The following RBFOX1 variants were observed in gnomAD, a reference collection of about 807,000 sequenced individuals.
RBFOX1 encodes RNA binding protein fox-1 homolog 1.
In RBFOX1, 8 loss-of-function variants were observed where a neutral mutation model predicts 57.7. The ratio of observed to expected loss-of-function variants is 0.14; its 90% confidence interval spans 0.08 to 0.25. The LOEUF is 0.25. RBFOX1 is among the 10% of genes least tolerant of loss of function. The probability of loss-of-function intolerance (pLI) is 1.00; values close to 1 mark genes in which losing one functional copy is unlikely to be tolerated. For missense variants in RBFOX1, 611 were observed against 548.5 expected, an observed-to-expected ratio of 1.11 and a Z score of -1.14; for synonymous variants, 326 against 222.4, an observed-to-expected ratio of 1.47 and a Z score of -4.15.
intron 3 of RBFOX1, among the ~76,000 whole-genome samples, chr16:7,020,338 G>C (rs2038614618): frequency 1.3e-5 from 2 of 151,966 alleles, no homozygotes. Flanking sequence ...TGATTCTCCT[G>C]CCTCAGCCTA....
At chr16:7,458,631 C>A (rs899396624) in intron 4 of RBFOX1, among the ~76,000 whole-genome samples, 12 of 152,104 alleles carry the variant, frequency 7.9e-5, no homozygotes, top group African/African-American at 2.7e-4. Flanking sequence ...GGAATATATT[C>A]CCCTTAAGGT....
At chr16:7,663,527 G>GTA (rs1040826850) in intron 12 of RBFOX1, among the ~76,000 whole-genome samples, 9 of 151,434 alleles carry the variant, frequency 5.9e-5, no homozygotes, top group Non-Finnish European at 1.0e-4. Flanking sequence ...GTGTGTGTGT[G>GTA]TGTGTTGTAA....
intron 1 of RBFOX1, among the ~76,000 whole-genome samples, chr16:6,256,161 A>G (rs1363211028): frequency 0.017 from 256 of 14,960 alleles, 40 homozygotes; most frequent in African/African-American, 0.033. Flanking sequence ...ATATATATGT[A>G]TATATATATG....
intron 3 of RBFOX1, among the ~76,000 whole-genome samples, chr16:6,862,489 A>T (rs2059190807): frequency 6.6e-6 from 1 of 152,224 alleles, no homozygotes; most frequent in Admixed American, 6.5e-5. Context: ...TAGGAAAAGG[A>T]GCAAACAGCT....
At chr16:6,270,584 A>T (rs1031208392) in intron 1 of RBFOX1, among the ~76,000 whole-genome samples, 1 of 152,200 alleles carries the variant, frequency 6.6e-6, no homozygotes, top group Admixed American at 6.5e-5. Context: ...ACAATATATG[A>T]AGAAAGAAAT....
At chr16:7,057,188 G>A (rs2052600223) in intron 4 of RBFOX1, among the ~76,000 whole-genome samples, 3 of 152,118 alleles carry the variant, frequency 2.0e-5, no homozygotes, top group Non-Finnish European at 2.9e-5. Context: ...CACAAGGAAA[G>A]ACAACATAAA....
chr16:6,312,549 A>G (rs910621434), intron 1 of RBFOX1, among the ~76,000 whole-genome samples: 3 of 152,074 alleles, frequency 2.0e-5, no homozygotes, highest in Admixed American at 6.6e-5. Context: ...TGCAGACCCA[A>G]TTTCTGGCAC....
chr16:7,155,206 T>A (rs2076845093), intron 4 of RBFOX1, among the ~76,000 whole-genome samples: 1 of 152,126 alleles, frequency 6.6e-6, no homozygotes, highest in Non-Finnish European at 1.5e-5. Flanking sequence ...AAACAAAGTT[T>A]TTAGCTTTTT....
At chr16:6,985,319 T>G (rs1254783438) in intron 3 of RBFOX1, among the ~76,000 whole-genome samples, 1 of 152,198 alleles carries the variant, frequency 6.6e-6, no homozygotes, top group Non-Finnish European at 1.5e-5. Context: ...ATATTAATTT[T>G]ATGATAGGTT....
At chr16:7,455,886 C>T (rs2058414301) in intron 4 of RBFOX1, among the ~76,000 whole-genome samples, 1 of 151,608 alleles carries the variant, frequency 6.6e-6, no homozygotes, top group Non-Finnish European at 1.5e-5. Flanking sequence ...ACTGTGATGT[C>T]TAAGATTCAT....
At chr16:5,611,793 T>TCCCCCCCCCCCCCC (rs2047818147) in intron 3 of RBFOX1, among the ~76,000 whole-genome samples, 5 of 35,168 alleles carry the variant, frequency 1.4e-4, no homozygotes, top group African/African-American at 3.0e-4. Flanking sequence ...CATCCATCCA[T>TCCCCCCCCCCCCCC]CCACCCACCC....
chr16:6,562,720 T>G (rs974584915), intron 2 of RBFOX1, among the ~76,000 whole-genome samples: 2 of 152,170 alleles, frequency 1.3e-5, no homozygotes, highest in African/African-American at 4.8e-5. Context: ...AAATGCCCTT[T>G]AAAACTCCTT....
intron 1 of RBFOX1, among the ~76,000 whole-genome samples, chr16:6,175,957 A>T (rs890165932): frequency 5.3e-5 from 8 of 152,078 alleles, no homozygotes; most frequent in African/African-American, 1.7e-4. Flanking sequence ...CCACCCCCAG[A>T]TATGTTAACT....
chr16:6,560,594 T>G (rs923281263), intron 2 of RBFOX1, among the ~76,000 whole-genome samples: 1 of 151,978 alleles, frequency 6.6e-6, no homozygotes, highest in South Asian at 2.1e-4. Context: ...GAGGAGGAGG[T>G]GCAAACCACT....
At chr16:7,024,128 G>C (rs1044038846) in intron 3 of RBFOX1, among the ~76,000 whole-genome samples, 4 of 152,112 alleles carry the variant, frequency 2.6e-5, no homozygotes, top group South Asian at 2.1e-4. Flanking sequence ...TTAATGACAT[G>C]CTTTATGTTA....
rs192468052 is a variant in RBFOX1 at position 5,388,319 on chromosome 16, C to T, written c.220-78897C>T. Among the ~76,000 whole-genome samples, 9 of 152,216 alleles carry T rather than the reference C, an allele frequency of 5.9e-5. 1 individual carries two copies. The highest frequency in any genetic ancestry group is 1.9e-4 in the African/African-American group (8 of 41,532). On this transcript the variant is annotated intron_variant, in intron 1 of 2. Transcript: ENST00000585867. ...GGGGCTTCTTTGTAGTGGGAGGCTT[C>T]GGACAAAGGCTGATCTCTGCCAAGC...
rs1404883344 is a variant in RBFOX1, at chr16:6,912,600, T to TG, written c.-15-139457_-15-139456insG. ...TTCTTTCTTGCTTTCTTGCTTTCTT[T>TG]TCTTGTGTGTGTGTGTTATTACTAT... is the stretch of plus-strand genomic sequence containing the variant. On this transcript the variant is annotated intron_variant, in intron 3 of 15. Transcript: ENST00000550418. Among the ~76,000 whole-genome samples the TG allele has an allele frequency of 1.4e-3, 140 of 102,380 alleles. 1 individual carries two copies. In the Middle Eastern group the frequency reaches 0.017, roughly 12 times the overall value. 67.2% of individuals were successfully genotyped at this position (102,380 alleles called of 152,430 possible). A position where few individuals can be genotyped will look rare whatever the true frequency, so the allele number is the denominator to read the frequency against.
At chr16:7,073,609 C>G in intron 4 of RBFOX1, among the ~76,000 whole-genome samples, 1 of 151,994 alleles carries the variant, frequency 6.6e-6, no homozygotes. Flanking sequence ...TTTGGGAGGT[C>G]GAGGTGAGTG....
chr16:7,074,493 T>C (rs1318379263), intron 4 of RBFOX1, among the ~76,000 whole-genome samples: 1 of 152,090 alleles, frequency 6.6e-6, no homozygotes, highest in Non-Finnish European at 1.5e-5. Context: ...CAGAAATCTG[T>C]TAACTTGAAG....
Sources: allele counts gnomAD v4.1 joint callset (sites outside exome capture counted in the v4.1 genomes callset), GRCh38; gene constraint gnomAD v4.1.1; transcripts MANE v1.5; gene names NCBI Gene and HGNC (gene_info 2026-07-23, HGNC 2026-07-21).